The following TJP2 variants were observed in gnomAD, a reference collection of about 807,000 sequenced individuals.
TJP2 encodes the protein tight junction protein 2.
TJP2 carries 91 observed loss-of-function variants against 133.1 expected under a neutral mutation model. The observed-to-expected ratio is 0.68, with a 90% CI of 0.58 to 0.81. The LOEUF (loss-of-function observed/expected upper bound fraction) is 0.81. Ranked by LOEUF, TJP2 falls within the 40% of genes least tolerant of loss-of-function variation. The pLI is 0.00. For missense variants in TJP2, 1,541 were observed against 1,565.6 expected, an observed-to-expected ratio of 0.98 and a Z score of 0.26; for synonymous variants, 592 against 583.4, an observed-to-expected ratio of 1.01 and a Z score of -0.21.
At chr9:69,237,775 CTTTCG>C in intron 14 of TJP2, 98 bp from the exon 15 acceptor site, 1 of 840,150 alleles carries the variant, frequency 1.2e-6, no homozygotes, top group Non-Finnish European at 2.0e-6. Context: ...ACCACAGTTT[CTTTCG>C]TTTAGTTATG....
chr9:69,137,468 T>G (rs1295336036), intron 1 of TJP2, among the ~76,000 whole-genome samples: 1 of 151,242 alleles, frequency 6.6e-6, no homozygotes, highest in Non-Finnish European at 1.5e-5. Flanking sequence ...GCTCAAACGA[T>G]CCTCTCGCCT....
intron 1 of TJP2, among the ~76,000 whole-genome samples, chr9:69,198,822 C>T (rs1027336195): frequency 2.1e-4 from 32 of 152,158 alleles, no homozygotes; most frequent in Non-Finnish European, 1.5e-4. Context: ...GTAAAACAAA[C>T]GCTACAGAAA....
chr9:69,195,706 A>G (rs1826509624), intron 1 of TJP2, among the ~76,000 whole-genome samples: 2 of 152,214 alleles, frequency 1.3e-5, no homozygotes, highest in South Asian at 2.1e-4. Flanking sequence ...GGTGTTCACA[A>G]AGGCGTAGGC....
At chr9:69,167,081 C>A (rs552674853) in intron 2 of TJP2, among the ~76,000 whole-genome samples, 178 of 151,134 alleles carry the variant, frequency 1.2e-3, no homozygotes, top group Non-Finnish European at 1.9e-3. Context: ...AAAAAAAAAA[C>A]CCCAGAAAAA....
upstream of TJP2, chr9:69,173,995 G>A (rs1824849945): frequency 3.0e-6 from 3 of 985,048 alleles, no homozygotes; most frequent in Non-Finnish European, 3.6e-6. Flanking sequence ...CGGGCCGCTC[G>A]GGCCTTGGGC....
intron 2 of TJP2, among the ~76,000 whole-genome samples, chr9:69,152,043 A>G (rs901182281): frequency 6.8e-6 from 1 of 146,134 alleles, no homozygotes; most frequent in African/African-American, 2.5e-5. Flanking sequence ...GTAAGTAAGT[A>G]CAACTTCTGT....
intron 14 of TJP2, among the ~76,000 whole-genome samples, 193 bp downstream of exon 14, chr9:69,237,329 A>G (rs1830260957): frequency 1.3e-5 from 2 of 152,184 alleles, no homozygotes; most frequent in South Asian, 4.1e-4. Context: ...ATTGAGGCTT[A>G]TTTCTGCAAC....
chr9:69,218,764 T>C (rs1828582340), intron 4 of TJP2, among the ~76,000 whole-genome samples: 1 of 152,234 alleles, frequency 6.6e-6, no homozygotes. Context: ...GTCTATAATC[T>C]TCATTCATCT....
At chr9:69,141,177 A>G (rs544887685) in intron 1 of TJP2, among the ~76,000 whole-genome samples, 8 of 152,282 alleles carry the variant, frequency 5.3e-5, no homozygotes, top group Admixed American at 3.9e-4. Flanking sequence ...CTTAGGACTG[A>G]GAGTACTCAG....
At chr9:69,135,595 C>G (rs1822696207) in intron 1 of TJP2, among the ~76,000 whole-genome samples, 2 of 148,380 alleles carry the variant, frequency 1.3e-5, no homozygotes, top group Non-Finnish European at 3.0e-5. Flanking sequence ...CATGCACCAC[C>G]ACACCTAGCT....
intron 1 of TJP2, among the ~76,000 whole-genome samples, chr9:69,186,418 C>T (rs1346237644): frequency 6.6e-6 from 1 of 152,208 alleles, no homozygotes; most frequent in Non-Finnish European, 1.5e-5. Flanking sequence ...CTATTTCAGC[C>T]ACTGGTTTAG....
chr9:69,195,786 C>A lies in TJP2; in HGVS notation c.61-16762C>A, dbSNP rs1826518615. Among the ~76,000 whole-genome samples the A allele has an allele frequency of 1.3e-5, 2 of 152,154 alleles. 1 individual carries two copies. Among genetic ancestry groups the A allele is most frequent in the South Asian group, 4.1e-4 (2 of 4,830 alleles). On this transcript the variant is annotated intron_variant, in intron 1 of 22. Coordinates refer to ENST00000377245, the MANE Select transcript of TJP2 (RefSeq NM_004817.4). ...GCCAGAAATAAAATCCGACTCGACT[C>A]CCTTTCTGCACCCTCTTCTTACCAA...
chr9:69,199,021 T>C (rs1826797738), intron 1 of TJP2, among the ~76,000 whole-genome samples: 2 of 152,236 alleles, frequency 1.3e-5, no homozygotes, highest in African/African-American at 2.4e-5. Context: ...TGTTTTGTTA[T>C]TAGACAGCTG....
chr9:69,181,361 G>A (rs1454763759), intron 1 of TJP2, among the ~76,000 whole-genome samples: 1 of 144,820 alleles, frequency 6.9e-6, no homozygotes, highest in Non-Finnish European at 1.5e-5. Context: ...CGATTCTCCT[G>A]CCTCAGCCTC....
intron 2 of TJP2, among the ~76,000 whole-genome samples, chr9:69,213,324 A>G (rs1486164154): frequency 1.3e-5 from 2 of 152,120 alleles, no homozygotes; most frequent in Admixed American, 1.3e-4. Context: ...TGGCCCGCAA[A>G]GTGCTGGGTT....
rs1430168999 is a variant in TJP2, at chr9:69,146,540, C to A, written c.-130-5111C>A. Among the ~76,000 whole-genome samples, 4 of 152,156 alleles carry A rather than the reference C, an allele frequency of 2.6e-5. No homozygotes were observed. The East Asian group carries it at 7.7e-4, about 29-fold the overall frequency. On this transcript the variant is annotated intron_variant, in intron 1 of 5. Coordinates refer to the TJP2 transcript ENST00000423935. Reference sequence around the variant, plus strand: ...TTTTTAACAATTAGATAGTTACTAGCTTATTTTTATCATATGAGCAATGTA... The same window carrying A: ...TTTTTAACAATTAGATAGTTACTAGATTATTTTTATCATATGAGCAATGTA...
chr9:69,247,000 A>C (rs1830973445), intron 18 of TJP2, among the ~76,000 whole-genome samples: 3 of 152,234 alleles, frequency 2.0e-5, no homozygotes, highest in Non-Finnish European at 2.9e-5. Context: ...GCAGCCCTAC[A>C]TTCACTTCCC....
In TJP2 at chr9:69,218,291, C is replaced by G. The variant is rs1563921627; in HGVS notation, c.274C>G (p.Pro92Ala). The change falls in exon 4 of 23, where the codon CCC becomes GCC. Residue 92 changes from proline (P) to alanine (A), a missense_variant. Physicochemically the swap from Pro to Ala is conservative, Grantham distance 27. Coordinates refer to ENST00000377245, the MANE Select transcript of TJP2 (RefSeq NM_004817.4). ...CAGAGTGGTCATGGTCAATGGCACCCCCATGGAGGATGTGCTTCATTCGTT... is the reference window on the plus strand; with the variant it reads ...CAGAGTGGTCATGGTCAATGGCACCGCCATGGAGGATGTGCTTCATTCGTT... ...NDRVVMVNGT[P>A]MEDVLHSFAV... 6.2e-7 allele frequency: 1 copy of G among 1,614,040 alleles called. No homozygotes were observed. Among genetic ancestry groups the G allele is most frequent in the African/African-American group, 1.3e-5 (1 of 75,012 alleles).
intron 1 of TJP2, among the ~76,000 whole-genome samples, chr9:69,212,109 C>T (rs1032344152): frequency 6.6e-6 from 1 of 152,104 alleles, no homozygotes; most frequent in Non-Finnish European, 1.5e-5. Context: ...CCCAATTGGG[C>T]ATACCCTATG....
Sources: gnomAD v4.1 joint callset for allele counts (sites outside exome capture counted in the v4.1 genomes callset) on GRCh38, gnomAD v4.1.1 for gene constraint, MANE v1.5 for transcripts, NCBI Gene and HGNC (gene_info 2026-07-23, HGNC 2026-07-21) for gene names.